Variants in RCOR3 observed in about 807,000 individuals in gnomAD.
RCOR3 encodes the protein REST corepressor 3.
A neutral mutation model predicts 64.1 loss-of-function variants in RCOR3; 13 were observed. The ratio of observed to expected loss-of-function variants is 0.20; its 90% CI spans 0.13 to 0.32. The LOEUF (loss-of-function observed/expected upper bound fraction) is 0.32. Ranked by LOEUF, RCOR3 falls within the 10% of genes least tolerant of loss-of-function variation. The pLI is 1.00. For missense variants in RCOR3, 489 were observed against 701.2 expected (o/e 0.70, Z 3.42); for synonymous variants, 215 against 239.0 (o/e 0.90, Z 0.93).
intron 5 of RCOR3, 102 bp downstream of exon 5, chr1:211,276,520 A>G (rs894208669): frequency 4.5e-6 from 5 of 1,113,398 alleles, no homozygotes; most frequent in Non-Finnish European, 6.3e-6. Flanking sequence ...CTTCAATTTA[A>G]TTTTAAAAAC....
chr1:211,285,081 A>G (rs1445160296), intron 7 of RCOR3, among the ~76,000 whole-genome samples: 1 of 152,170 alleles, frequency 6.6e-6, no homozygotes, highest in Non-Finnish European at 1.5e-5. Flanking sequence ...TTTGCTCTTC[A>G]TAACTTATTT....
chr1:211,267,155 G>A (rs1316778806), intron 2 of RCOR3, among the ~76,000 whole-genome samples: 2 of 152,138 alleles, frequency 1.3e-5, no homozygotes, highest in Non-Finnish European at 2.9e-5. Flanking sequence ...TAATTTTTGA[G>A]CAACTCTGTC....
chr1:211,302,004 A>G (rs935159352), intron 9 of RCOR3: 10 of 152,184 alleles, frequency 6.6e-5, no homozygotes, highest in African/African-American at 2.4e-4. Context: ...CCTTAGAGCA[A>G]CCTACAACAT....
At chr1:211,265,810 A>G (rs565472873) in intron 2 of RCOR3, among the ~76,000 whole-genome samples, 1 of 152,178 alleles carries the variant, frequency 6.6e-6, no homozygotes, top group Admixed American at 6.5e-5. Context: ...AGTTATTACA[A>G]TTAGTGCATA....
chr1:211,297,156 A>G (rs537590131), intron 9 of RCOR3, among the ~76,000 whole-genome samples: 2 of 152,288 alleles, frequency 1.3e-5, no homozygotes, highest in South Asian at 4.1e-4. Context: ...GAAAACATTT[A>G]CTAAGTTTTC....
Position 211,278,132 on chromosome 1 carries a change from A to G in RCOR3, c.532A>G (p.Ile178Val), listed in dbSNP as rs149116704. The change falls in exon 6 of 12, where the codon ATT becomes GTT. Residue 178 changes from isoleucine (I) to valine (V), a missense_variant. This residue lies in a region of RCOR3 where 402 missense variants were observed against 617.0 expected (regional missense o/e 0.65). Transcript: ENST00000419091. Reference sequence around the variant, plus strand: ...TTTTTTTAAGCTTCCAGATAAGACAATTGCAAGCCTTGTAAAATATTACTA... The same window carrying G: ...TTTTTTTAAGCTTCCAGATAAGACAGTTGCAAGCCTTGTAAAATATTACTA... ...RIQQMLPDKTIASLVKYYYSW... is the reference protein window; with the variant it reads ...RIQQMLPDKTVASLVKYYYSW... 626 of 1,598,562 alleles carry G rather than the reference A, an allele frequency of 3.9e-4. 1 individual carries two copies. Among genetic ancestry groups the G allele is most frequent in the Middle Eastern group, 5.0e-4 (3 of 6,022 alleles).
intron 9 of RCOR3, 194 bp from the exon 10 acceptor site, chr1:211,303,889 C>A: frequency 2.4e-6 from 1 of 415,796 alleles, no homozygotes; most frequent in Non-Finnish European, 4.3e-6. Context: ...GGTACATTTC[C>A]CTTTCATTAT....
chr1:211,309,392 CAG>C (rs778949942), intron 10 of RCOR3, among the ~76,000 whole-genome samples: 17 of 152,108 alleles, frequency 1.1e-4, no homozygotes, highest in Non-Finnish European at 2.1e-4. Context: ...GTAATGATAA[CAG>C]AATATCCTAA....
In RCOR3 at chr1:211,274,155, C is replaced by G. The variant is rs191715539; in HGVS notation, c.302-55C>G. 2.6e-4 allele frequency: 312 copies of G among 1,214,390 alleles called. No homozygotes were observed. The African/African-American group carries it at 4.0e-3, about 16-fold the overall frequency. 75.2% of individuals were successfully genotyped at this position (1,214,390 alleles called of 1,614,324 possible). A position where few individuals can be genotyped will look rare whatever the true frequency, so the allele number is the denominator to read the frequency against. The stretch of plus-strand genomic sequence containing the variant: ...TGCTATGTTAAGAACAAAAGTAGAC[C>G]TAGGTAAATGAAGTAAATGAGAATA... On this transcript the variant is annotated intron_variant, in intron 3 of 11. Coordinates refer to ENST00000419091, the MANE Select transcript of RCOR3 (RefSeq NM_001136223.3).
Position 211,312,470 on chromosome 1 carries a change from C to CT in RCOR3, c.1076-249dup. The CT allele has an allele frequency of 3.3e-6, 2 of 604,344 alleles. No homozygotes were observed. Among genetic ancestry groups the CT allele is most frequent in the Non-Finnish European group, 6.2e-6 (2 of 320,364 alleles). The allele number at this position is 604,344 out of a possible 1,614,324, so 37.4% of individuals were successfully genotyped here. A position where few individuals can be genotyped will look rare whatever the true frequency, so the allele number is the denominator to read the frequency against. On this transcript the variant is annotated intron_variant, in intron 10 of 11. Transcript: ENST00000419091. The surrounding 1 kb of genome is among the most constrained non-coding windows in gnomAD (Gnocchi z 5.0). Reference sequence around the variant, plus strand: ...TTCAAGAGAGGATTGGAGAAAATAACTGAGTATGTAAAAAATGGTAAGTTT... The same window carrying CT: ...TTCAAGAGAGGATTGGAGAAAATAACTTGAGTATGTAAAAAATGGTAAGTTT...
rs760216228 is a variant in RCOR3 at position 211,315,174 on chromosome 1, C to T, written c.*1406C>T. 6.6e-6 allele frequency: 1 copy of T among 152,152 alleles called. No homozygotes were observed. Among genetic ancestry groups the T allele is most frequent in the African/African-American group, 2.4e-5 (1 of 41,440 alleles). The allele number at this position is 152,152 out of a possible 1,614,324, so 9.4% of individuals were successfully genotyped here. On this transcript the variant is annotated 3_prime_UTR_variant, in exon 12 of 12. Coordinates refer to ENST00000419091, the MANE Select transcript of RCOR3 (RefSeq NM_001136223.3). The stretch of plus-strand genomic sequence containing the variant: ...AGGGACAGACAGATCACTTAGATTG[C>T]TATACTAGTGGACATAGGCTACATG...
At chr1:211,291,793 T>C (rs1277953160) in intron 8 of RCOR3, among the ~76,000 whole-genome samples, 1 of 152,204 alleles carries the variant, frequency 6.6e-6, no homozygotes, top group Non-Finnish European at 1.5e-5. Context: ...CTGCCCCGTA[T>C]GGTATTCCAG....
intron 2 of RCOR3, among the ~76,000 whole-genome samples, chr1:211,262,820 T>TC (rs1694548097): frequency 1.3e-5 from 1 of 79,060 alleles, no homozygotes; most frequent in Admixed American, 1.4e-4. Flanking sequence ...GCATGGCCAC[T>TC]GGTTTTTTTT....
intron 7 of RCOR3, among the ~76,000 whole-genome samples, chr1:211,286,391 T>C (rs1408524360): frequency 6.6e-6 from 1 of 150,978 alleles, no homozygotes; most frequent in African/African-American, 2.4e-5. Flanking sequence ...CACTGCAACC[T>C]CCGCTTCCCA....
chr1:211,313,591 G>A lies in RCOR3; in HGVS notation c.1485G>A (p.Gln495=). The A allele has an allele frequency of 1.2e-6, 2 of 1,614,094 alleles. No individual in the cohort carries two copies. The highest frequency in any genetic ancestry group is 2.2e-5 in the South Asian group (2 of 91,080). The change falls in exon 12 of 12, where the codon CAG becomes CAA. Residue 495 remains glutamine (Q), a synonymous_variant. Transcript: ENST00000419091. This position sits in a 1 kb window ranked among gnomAD's most constrained non-coding sequence, Gnocchi z 4.7. ...ACCGGCAGCCTCCTCCACTCCAGCA[G>A]CAGGCTCGGTTCATCCAGCCCCGGC... ...ALHRQPPPLQ[Q]QARFIQPRPT... is the part of the protein sequence containing the mutation.
Position 211,313,368 on chromosome 1 carries a change from ATTAAGTTCAT to A in RCOR3, c.1318-54_1318-45del. 1.3e-6 allele frequency: 2 copies of A among 1,554,654 alleles called. No individual in the cohort carries two copies. The highest frequency in any genetic ancestry group is 1.7e-6 in the Non-Finnish European group (2 of 1,150,318). ...CCTGTGACAGCCCAAACTATATTGTATTAAGTTCATTAGGACTTACATCTCATACGTGTAT... is the reference window on the plus strand; with the variant it reads ...CCTGTGACAGCCCAAACTATATTGTATAGGACTTACATCTCATACGTGTAT... On this transcript the variant is annotated intron_variant, in intron 11 of 11. Transcript: ENST00000419091. This position sits in a 1 kb window ranked among gnomAD's most constrained non-coding sequence, Gnocchi z 4.7.
chr1:211,313,179 T>C lies in RCOR3; in HGVS notation c.1317+218T>C, dbSNP rs1701665658. The stretch of plus-strand genomic sequence containing the variant: ...GAGAGTGTATTGTTCTTTCATAGTC[T>C]TATTTTTATTTTCAGTGTTAAGCTG... On this transcript the variant is annotated intron_variant, in intron 11 of 11. Coordinates refer to ENST00000419091, the MANE Select transcript of RCOR3 (RefSeq NM_001136223.3). This position sits in a 1 kb window ranked among gnomAD's most constrained non-coding sequence, Gnocchi z 4.7. 7.0e-7 allele frequency: 1 copy of C among 1,436,918 alleles called. No individual in the cohort carries two copies. Among genetic ancestry groups the C allele is most frequent in the Non-Finnish European group, 9.1e-7 (1 of 1,102,306 alleles). 89.0% of individuals were successfully genotyped at this position (1,436,918 alleles called of 1,614,324 possible). A position where few individuals can be genotyped will look rare whatever the true frequency, so the allele number is the denominator to read the frequency against.
In RCOR3 at chr1:211,259,719, C is replaced by T; in HGVS notation, c.159C>T (p.Asp53=). The change falls in exon 1 of 12, where the codon GAC becomes GAT. Residue 53 remains aspartate, a synonymous_variant. Coordinates refer to ENST00000419091, the MANE Select transcript of RCOR3 (RefSeq NM_001136223.3). ...CCGAGAGCGGCTGCAGCAGCGACGA[C>T]GAGCACGGTGGTAGCCTCGAACTCC... ...SEPESGCSSD[D]EHDVGMRVGA... 6.6e-7 allele frequency: 1 copy of T among 1,510,886 alleles called. No individual in the cohort carries two copies. Among genetic ancestry groups the T allele is most frequent in the Non-Finnish European group, 8.9e-7 (1 of 1,128,714 alleles). 93.6% of individuals were successfully genotyped at this position (1,510,886 alleles called of 1,614,324 possible). A position where few individuals can be genotyped will look rare whatever the true frequency, so the allele number is the denominator to read the frequency against.
At chr1:211,292,415 T>C (rs1699352952) in intron 8 of RCOR3, among the ~76,000 whole-genome samples, 1 of 152,166 alleles carries the variant, frequency 6.6e-6, no homozygotes, top group Non-Finnish European at 1.5e-5. Flanking sequence ...ACTAAAAACA[T>C]AAAGGAATAA....
Sources: gnomAD v4.1 joint callset for allele counts (sites outside exome capture counted in the v4.1 genomes callset) on GRCh38, gnomAD v4.1.1 for gene constraint, gnomAD v4.1.1 regional missense constraint, Gnocchi (gnomAD v3.1) non-coding constraint, MANE v1.5 for transcripts, NCBI Gene and HGNC (gene_info 2026-07-23, HGNC 2026-07-21) for gene names.